MAP3K20: variants seen among roughly 807,000 people sequenced by gnomAD.
MAP3K20 encodes mitogen-activated protein kinase kinase kinase 20.
MAP3K20 carries 40 observed loss-of-function variants against 85.7 expected under a neutral mutation model. The observed-to-expected ratio is 0.47, with a 90% CI of 0.36 to 0.61. The LOEUF (loss-of-function observed/expected upper bound fraction) is 0.61. Ranked by LOEUF, MAP3K20 falls within the 20% of genes least tolerant of loss-of-function variation. The probability of loss-of-function intolerance (pLI) is 0.00; values close to 1 mark genes in which losing one functional copy is unlikely to be tolerated. For synonymous variants in MAP3K20, 325 were observed against 327.7 expected (o/e 0.99, Z 0.09); for missense variants, 817 against 961.7 (o/e 0.85, Z 1.99).
At position 173,165,633 on chromosome 2, in the gene MAP3K20, A is replaced by G. The variant is rs114076713; in HGVS notation, c.160-4172A>G. On this transcript the variant is annotated intron_variant, in intron 2 of 19. Transcript: ENST00000375213. ...TATTGTGGTAAAATATGCATAGCAT[A>G]AAATTTGCTATTTCAGCGTAATTAA... Among the ~76,000 whole-genome samples, 484 of 152,346 alleles carry G rather than the reference A, an allele frequency of 3.2e-3. 2 individuals are homozygous for G. Among genetic ancestry groups the G allele is most frequent in the African/African-American group, 0.011 (465 of 41,578 alleles).
At chr2:173,183,926 C>T (rs1559267442) in intron 4 of MAP3K20, among the ~76,000 whole-genome samples, 1 of 152,134 alleles carries the variant, frequency 6.6e-6, no homozygotes, top group African/African-American at 2.4e-5. Context: ...TTCATCAACA[C>T]CTACCAAATT....
chr2:173,223,406 T>C (rs1684304443), intron 11 of MAP3K20: 2 of 959,130 alleles, frequency 2.1e-6, no homozygotes, highest in South Asian at 4.8e-5. Flanking sequence ...TAAAGCACTT[T>C]AACACAGCAC....
chr2:173,166,998 C>T (rs1423404636), intron 2 of MAP3K20, among the ~76,000 whole-genome samples: 3 of 149,606 alleles, frequency 2.0e-5, no homozygotes, highest in South Asian at 4.3e-4. Context: ...CTGCAAGCTC[C>T]GCCTCCCGGG....
At chr2:173,128,858 T>C (rs1305274242) in intron 2 of MAP3K20, among the ~76,000 whole-genome samples, 1 of 152,072 alleles carries the variant, frequency 6.6e-6, no homozygotes, top group Non-Finnish European at 1.5e-5. Context: ...TCAACTATTT[T>C]ATATGAAATA....
At chr2:173,140,943 G>T (rs1007272013) in intron 2 of MAP3K20, among the ~76,000 whole-genome samples, 1 of 152,038 alleles carries the variant, frequency 6.6e-6, no homozygotes, top group Non-Finnish European at 1.5e-5. Flanking sequence ...GGTTCTCTCT[G>T]TATTATTTCT....
chr2:173,236,804 G>C (rs1259928494), intron 14 of MAP3K20, among the ~76,000 whole-genome samples: 1 of 152,156 alleles, frequency 6.6e-6, no homozygotes, highest in Non-Finnish European at 1.5e-5. Flanking sequence ...AATGCTCCAA[G>C]CTGGGCCTTT....
intron 8 of MAP3K20, among the ~76,000 whole-genome samples, chr2:173,201,738 C>T (rs1286671934): frequency 6.6e-6 from 1 of 152,064 alleles, no homozygotes; most frequent in Non-Finnish European, 1.5e-5. Flanking sequence ...TAGGAATGCC[C>T]ACAGTTATGT....
intron 11 of MAP3K20, chr2:173,221,063 G>A (rs1193929147): frequency 2.5e-6 from 3 of 1,194,328 alleles, no homozygotes; most frequent in Non-Finnish European, 3.3e-6. Flanking sequence ...CCTGTGTAGT[G>A]CCAACTAATT....
chr2:173,253,333 A>T (rs1185055222), intron 16 of MAP3K20, among the ~76,000 whole-genome samples: 1 of 152,174 alleles, frequency 6.6e-6, no homozygotes, highest in Admixed American at 6.5e-5. Flanking sequence ...CATTATCTTA[A>T]TCTTCACATG....
intron 8 of MAP3K20, among the ~76,000 whole-genome samples, chr2:173,202,390 TC>T (rs1691097350): frequency 6.6e-6 from 1 of 152,156 alleles, no homozygotes; most frequent in Admixed American, 6.5e-5. Flanking sequence ...TCTCATAGCC[TC>T]CCCCAAATCC....
At chr2:173,226,390 C>T (rs1684389657) in intron 11 of MAP3K20, 45 of 985,358 alleles carry the variant, frequency 4.6e-5, no homozygotes, top group Non-Finnish European at 5.4e-5. Flanking sequence ...AGAGTTTCAT[C>T]ATACCACATA....
intron 2 of MAP3K20, among the ~76,000 whole-genome samples, chr2:173,103,608 T>G (rs1319684037): frequency 1.3e-5 from 2 of 152,160 alleles, no homozygotes; most frequent in Non-Finnish European, 2.9e-5. Flanking sequence ...TAGAAAAAAA[T>G]TAACATTTCT....
chr2:173,266,153 C>G lies in MAP3K20; in HGVS notation c.1806C>G (p.Phe602Leu). ...QSNPILGSPF[F>L]SHFDGQDSYA... ...ATCCTATTCTGGGGTCACCGTTCTT[C>G]TCACACTTTGATGGCCAGGATTCCT... The change falls in exon 20 of 20, where the codon TTC becomes TTG. Residue 602 changes from phenylalanine to leucine, a missense_variant. By Grantham distance (22) the Phe-to-Leu change is conservative. Coordinates refer to ENST00000375213, the MANE Select transcript of MAP3K20 (RefSeq NM_016653.3). 6.2e-7 allele frequency: 1 copy of G among 1,614,050 alleles called. No homozygotes were observed. The highest frequency in any genetic ancestry group is 8.5e-7 in the Non-Finnish European group (1 of 1,179,994).
At chr2:173,120,077 A>G (rs879614525) in intron 2 of MAP3K20, among the ~76,000 whole-genome samples, 7 of 152,096 alleles carry the variant, frequency 4.6e-5, no homozygotes, top group Non-Finnish European at 1.0e-4. Flanking sequence ...TTAAAAGAAA[A>G]TGGTTTCAAT....
chr2:173,249,970 A>G (rs1003941216), intron 16 of MAP3K20, among the ~76,000 whole-genome samples: 10 of 152,200 alleles, frequency 6.6e-5, no homozygotes, highest in African/African-American at 2.2e-4. Context: ...AAAAGGCAAT[A>G]TAACAACCTT....
In MAP3K20 at chr2:173,135,409, G is replaced by A. The variant is rs79914342; in HGVS notation, c.160-34396G>A. On this transcript the variant is annotated intron_variant, in intron 2 of 19. Transcript: ENST00000375213. Reference sequence around the variant, plus strand: ...AGATTAGAGCAGTGGGTTAACAGACGGAAATGAAAGTCCTGCATGGAGACT... The same window carrying A: ...AGATTAGAGCAGTGGGTTAACAGACAGAAATGAAAGTCCTGCATGGAGACT... Among the ~76,000 whole-genome samples the A allele has an allele frequency of 5.7e-3, 871 of 152,264 alleles. 7 individuals are homozygous for A. The highest frequency in any genetic ancestry group is 0.02 in the African/African-American group (842 of 41,550).
intron 2 of MAP3K20, among the ~76,000 whole-genome samples, chr2:173,108,266 G>A (rs1225825053): frequency 6.6e-6 from 1 of 151,990 alleles, no homozygotes; most frequent in East Asian, 1.9e-4. Flanking sequence ...CGGAGCAGCC[G>A]GGATTACAGG....
chr2:173,258,578 A>C (rs1685211942), intron 16 of MAP3K20, 121 bp from the exon 17 acceptor site: 1 of 366,736 alleles, frequency 2.7e-6, no homozygotes, highest in African/African-American at 4.1e-5. Flanking sequence ...TGAAAAAGGA[A>C]AAAAAAAAAA....
intron 11 of MAP3K20, chr2:173,221,011 A>T: frequency 1.6e-6 from 1 of 644,424 alleles, no homozygotes; most frequent in Non-Finnish European, 2.2e-6. Flanking sequence ...ATAAATTCTC[A>T]CATAATTCCC....
Sources: gnomAD v4.1 joint callset for allele counts (sites outside exome capture counted in the v4.1 genomes callset) on GRCh38, gnomAD v4.1.1 for gene constraint, MANE v1.5 for transcripts, NCBI Gene and HGNC (gene_info 2026-07-23, HGNC 2026-07-21) for gene names.